Variants in LRRC37A2 observed in about 807,000 individuals in gnomAD.
LRRC37A2 encodes the protein leucine rich repeat containing 37 member A2.
A neutral mutation model predicts 68.8 loss-of-function variants in LRRC37A2; 9 were observed. The observed-to-expected ratio is 0.13, with a 90% CI of 0.08 to 0.23. The LOEUF (loss-of-function observed/expected upper bound fraction) is 0.23. LRRC37A2 is among the 10% of genes least tolerant of loss of function. LRRC37A2 has a pLI of 1.00. For missense variants in LRRC37A2, 168 were observed against 950.4 expected, an observed-to-expected ratio of 0.18 and a Z score of 10.82; for synonymous variants, 63 against 367.6, an observed-to-expected ratio of 0.17 and a Z score of 9.48.
the LRRC37A2 span, among the ~76,000 whole-genome samples, chr17:46,922,432 T>C: frequency 2.0e-5 from 3 of 152,092 alleles, no homozygotes; most frequent in South Asian, 2.1e-4. Context: ...TGTATACATA[T>C]GTAACAACCC....
chr17:46,877,184 A>G, the LRRC37A2 span: 30 of 670,462 alleles, frequency 4.5e-5, no homozygotes, highest in Non-Finnish European at 5.0e-5. Context: ...AGATGGGTCA[A>G]TCGGGTCCTG....
chr17:47,047,806 T>C, the LRRC37A2 span, among the ~76,000 whole-genome samples: 1 of 151,566 alleles, frequency 6.6e-6, no homozygotes, highest in Non-Finnish European at 1.5e-5. Context: ...GGCTTTTCCA[T>C]TCTTAGACCA....
chr17:46,898,231 T>C, the LRRC37A2 span, among the ~76,000 whole-genome samples: 1 of 152,134 alleles, frequency 6.6e-6, no homozygotes, highest in East Asian at 1.9e-4. Flanking sequence ...AAAGAACTTT[T>C]CTCTTTCCAC....
At chr17:46,630,254 CT>C in the LRRC37A2 span, among the ~76,000 whole-genome samples, 1 of 36,164 alleles carries the variant, frequency 2.8e-5, no homozygotes, top group Admixed American at 3.5e-4. Context: ...GGGGCTAAGA[CT>C]TCAACATACT....
At chr17:46,710,710 G>T in the LRRC37A2 span, among the ~76,000 whole-genome samples, 4 of 152,218 alleles carry the variant, frequency 2.6e-5, no homozygotes, top group East Asian at 3.9e-4. Context: ...AATTATGAGG[G>T]TTTGAGTCTG....
At chr17:46,740,151 C>A in the LRRC37A2 span, among the ~76,000 whole-genome samples, 1 of 152,158 alleles carries the variant, frequency 6.6e-6, no homozygotes, top group Middle Eastern at 3.4e-3. Context: ...TTGCTTATTT[C>A]TGGTTCTTGG....
chr17:46,999,955 C>T, the LRRC37A2 span, among the ~76,000 whole-genome samples: 7 of 147,228 alleles, frequency 4.8e-5, no homozygotes, highest in South Asian at 2.2e-4. Flanking sequence ...GCTGAGATCA[C>T]GCCACTGCAC....
chr17:46,966,780 G>C, the LRRC37A2 span: 1 of 445,080 alleles, frequency 2.2e-6, no homozygotes, highest in South Asian at 6.1e-5. Context: ...CACCTGCCTT[G>C]CAAGAATTAT....
At chr17:47,031,723 ATTAT>A in the LRRC37A2 span, among the ~76,000 whole-genome samples, 1 of 140,334 alleles carries the variant, frequency 7.1e-6, no homozygotes, top group African/African-American at 2.7e-5. Flanking sequence ...TCCCTATTGA[ATTAT>A]TTATCCCACT....
the LRRC37A2 span, among the ~76,000 whole-genome samples, chr17:46,498,946 A>G: frequency 6.6e-6 from 1 of 150,690 alleles, no homozygotes; most frequent in Non-Finnish European, 1.5e-5. Context: ...AATGGTAGCT[A>G]TTTTATGGAG....
chr17:46,863,167 C>G, the LRRC37A2 span, among the ~76,000 whole-genome samples: 1 of 152,220 alleles, frequency 6.6e-6, no homozygotes, highest in Non-Finnish European at 1.5e-5. Context: ...AAAGCCCGCC[C>G]AGCCCCAGCT....
the LRRC37A2 span, among the ~76,000 whole-genome samples, chr17:46,719,748 A>G: frequency 6.6e-6 from 1 of 152,210 alleles, no homozygotes; most frequent in Non-Finnish European, 1.5e-5. The surrounding 1 kb of genome is among the most constrained non-coding windows in gnomAD (Gnocchi z 4.3). Flanking sequence ...CATTAAATGA[A>G]CAAAAGAAGA....
the LRRC37A2 span, among the ~76,000 whole-genome samples, chr17:46,813,170 G>A: frequency 4.6e-5 from 7 of 152,048 alleles, no homozygotes; most frequent in African/African-American, 1.4e-4. Context: ...ATACAGGCCC[G>A]GAATGTGTGC....
chr17:46,779,053 T>TCTCACACACACACACACACACA, the LRRC37A2 span, among the ~76,000 whole-genome samples: 3 of 100,612 alleles, frequency 3.0e-5, no homozygotes, highest in African/African-American at 8.9e-5. Context: ...CCCTACCCCA[T>TCTCACACACACACACACACACA]CACACACACA....
the LRRC37A2 span, chr17:46,875,395 C>A: frequency 1.3e-6 from 2 of 1,562,092 alleles, no homozygotes; most frequent in Admixed American, 1.8e-5. Context: ...GCCCGCAGTG[C>A]CTTCCCACCA....
intron 8 of LRRC37A2, among the ~76,000 whole-genome samples, chr17:46,543,423 A>G (rs7359677): frequency 0.011 from 1,680 of 151,000 alleles, 155 homozygotes; most frequent in African/African-American, 0.036. Flanking sequence ...ACTAAGTGTA[A>G]TGTCTGATGT....
the LRRC37A2 span, among the ~76,000 whole-genome samples, chr17:46,863,722 C>T: frequency 1.8e-4 from 28 of 152,190 alleles, no homozygotes; most frequent in African/African-American, 6.0e-4. Context: ...GGGGTCGGAC[C>T]GAGTTAGACA....
chr17:46,799,519 C>A, the LRRC37A2 span, among the ~76,000 whole-genome samples: 22 of 148,424 alleles, frequency 1.5e-4, no homozygotes, highest in African/African-American at 5.5e-4. Context: ...GTCATCTCAG[C>A]TAACTGCAAC....
At chr17:46,721,607 A>C in the LRRC37A2 span, 1 of 1,578,166 alleles carries the variant, frequency 6.3e-7, no homozygotes, top group East Asian at 2.2e-5. Context: ...TGGGAATTCA[A>C]AATTAACATC....
Sources: allele counts gnomAD v4.1 joint callset (sites outside exome capture counted in the v4.1 genomes callset), GRCh38; gene constraint gnomAD v4.1.1; non-coding constraint Gnocchi (gnomAD v3.1); transcripts MANE v1.5; gene names NCBI Gene and HGNC (gene_info 2026-07-23, HGNC 2026-07-21).